The following EXOC4 variants were observed in gnomAD, a reference collection of about 807,000 sequenced individuals.
EXOC4 encodes the protein exocyst complex component 4.
A neutral mutation model predicts 107.2 loss-of-function variants in EXOC4; 71 were observed. The ratio of observed to expected loss-of-function variants is 0.66; its 90% CI spans 0.55 to 0.81. The LOEUF is 0.81. Ranked by LOEUF, EXOC4 falls within the 30% of genes least tolerant of loss-of-function variation. EXOC4 has a pLI of 0.00. For synonymous variants in EXOC4, 456 were observed against 441.2 expected (o/e 1.03, Z -0.42); for missense variants, 1,108 against 1,189.6 (o/e 0.93, Z 1.01).
At chr7:133,790,740 C>G (rs1390379010) in intron 10 of EXOC4, among the ~76,000 whole-genome samples, 1 of 152,260 alleles carries the variant, frequency 6.6e-6, no homozygotes, top group Non-Finnish European at 1.5e-5. Flanking sequence ...ACAAACCTTT[C>G]CAGATTGAGA....
At chr7:133,938,142 A>G (rs999993103) in intron 14 of EXOC4, 73 bp downstream of exon 14, 10 of 1,485,486 alleles carry the variant, frequency 6.7e-6, no homozygotes, top group Non-Finnish European at 9.3e-6. Flanking sequence ...GAAAGATGAG[A>G]GTGTACACTG....
intron 9 of EXOC4, among the ~76,000 whole-genome samples, chr7:133,516,433 T>C (rs1427832318): frequency 6.6e-6 from 1 of 152,166 alleles, no homozygotes; most frequent in African/African-American, 2.4e-5. Flanking sequence ...ACATTTCATG[T>C]AATGGAATCT....
chr7:133,316,460 G>T (rs950327051), intron 4 of EXOC4, among the ~76,000 whole-genome samples: 2 of 152,180 alleles, frequency 1.3e-5, no homozygotes, highest in Non-Finnish European at 2.9e-5. Flanking sequence ...TGTGCGAGAT[G>T]ATTCCATTTC....
At chr7:134,040,453 C>T (rs1018346234) in intron 17 of EXOC4, among the ~76,000 whole-genome samples, 1 of 152,208 alleles carries the variant, frequency 6.6e-6, no homozygotes, top group Non-Finnish European at 1.5e-5. Flanking sequence ...CTTCAAAACA[C>T]ATCGCACTCC....
At chr7:134,060,402 C>T (rs931691258) in intron 17 of EXOC4, among the ~76,000 whole-genome samples, 2 of 152,172 alleles carry the variant, frequency 1.3e-5, no homozygotes, top group African/African-American at 4.8e-5. Context: ...CTGTGAAGGG[C>T]TACAAACCAT....
chr7:133,905,179 T>C (rs1289238894), intron 12 of EXOC4, among the ~76,000 whole-genome samples: 1 of 152,170 alleles, frequency 6.6e-6, no homozygotes, highest in African/African-American at 2.4e-5. Flanking sequence ...TGCCCTCTGC[T>C]GAGGGTTGGC....
At chr7:133,878,946 A>G (rs1030218901) in intron 11 of EXOC4, among the ~76,000 whole-genome samples, 8 of 151,958 alleles carry the variant, frequency 5.3e-5, no homozygotes, top group Non-Finnish European at 1.0e-4. Flanking sequence ...GCTGGTCTCA[A>G]ACTCCTGACC....
intron 9 of EXOC4, chr7:133,481,224 G>A (rs1324830374): frequency 6.6e-6 from 1 of 151,712 alleles, no homozygotes; most frequent in East Asian, 1.9e-4. Context: ...TACACACACA[G>A]AGATACACAC....
chr7:133,406,518 T>TA (rs1457914351), intron 7 of EXOC4, among the ~76,000 whole-genome samples: 5 of 152,280 alleles, frequency 3.3e-5, no homozygotes, highest in Middle Eastern at 3.4e-3. Context: ...AAATTAGCAG[T>TA]AAAGGGAAGG....
intron 10 of EXOC4, among the ~76,000 whole-genome samples, chr7:133,676,639 C>G (rs1343222702): frequency 6.6e-6 from 1 of 151,974 alleles, no homozygotes; most frequent in Non-Finnish European, 1.5e-5. Flanking sequence ...ATTACTTTCC[C>G]AAAAGATGTT....
the EXOC4 span, among the ~76,000 whole-genome samples, chr7:134,091,889 C>T: frequency 6.6e-6 from 1 of 152,096 alleles, no homozygotes; most frequent in Non-Finnish European, 1.5e-5. Context: ...TAACTAAAAT[C>T]CCCAGTACTT....
chr7:133,619,401 A>G (rs10268084), intron 9 of EXOC4, among the ~76,000 whole-genome samples: 2 of 152,096 alleles, frequency 1.3e-5, no homozygotes, highest in Non-Finnish European at 2.9e-5. Flanking sequence ...TATTTCTTCT[A>G]TATGAACTAG....
intron 16 of EXOC4, among the ~76,000 whole-genome samples, chr7:134,006,946 T>C (rs1794655464): frequency 6.6e-6 from 1 of 152,130 alleles, no homozygotes. Context: ...TTGCAGACCA[T>C]AAGACAACCC....
At chr7:133,691,213 A>G (rs1052590043) in intron 10 of EXOC4, among the ~76,000 whole-genome samples, 1 of 152,202 alleles carries the variant, frequency 6.6e-6, no homozygotes, top group African/African-American at 2.4e-5. Flanking sequence ...TATGAAACTA[A>G]TGAAATGATG....
intron 10 of EXOC4, among the ~76,000 whole-genome samples, chr7:133,673,106 G>A (rs1012789692): frequency 1.3e-5 from 2 of 152,172 alleles, no homozygotes; most frequent in African/African-American, 4.8e-5. Flanking sequence ...TTTTAGAGGA[G>A]CTGGATTGGA....
chr7:133,876,252 G>T (rs1798847282), intron 11 of EXOC4, among the ~76,000 whole-genome samples: 1 of 151,330 alleles, frequency 6.6e-6, no homozygotes, highest in Non-Finnish European at 1.5e-5. Flanking sequence ...GTGTGTGTGT[G>T]TGTGTAGACT....
chr7:133,484,349 T>G (rs1305365997), intron 9 of EXOC4, among the ~76,000 whole-genome samples: 1 of 152,188 alleles, frequency 6.6e-6, no homozygotes, highest in Non-Finnish European at 1.5e-5. Flanking sequence ...ATCTAACTTG[T>G]GGGTGTGTCA....
rs373271781 is a variant in EXOC4 at position 133,405,788 on chromosome 7, T to C, written c.1182+30786T>C. 1.2e-4 allele frequency among the ~76,000 whole-genome samples: 18 copies of C among 152,312 alleles called. No individual in the cohort carries two copies. In the East Asian group the frequency reaches 3.1e-3, roughly 26 times the overall value. On this transcript the variant is annotated intron_variant, in intron 7 of 17. Transcript: ENST00000253861. ...TAATAAAAGTTATGTGAATATGCGC[T>C]TGGGAACTCTTTCATGCACACACTG...
intron 9 of EXOC4, among the ~76,000 whole-genome samples, chr7:133,516,586 G>C (rs1251536411): frequency 6.6e-6 from 1 of 151,894 alleles, no homozygotes; most frequent in African/African-American, 2.4e-5. Flanking sequence ...CTGTTGATGG[G>C]CATTTGTGTT....
Sources: gnomAD v4.1 joint callset for allele counts (sites outside exome capture counted in the v4.1 genomes callset) on GRCh38, gnomAD v4.1.1 for gene constraint, MANE v1.5 for transcripts, NCBI Gene and HGNC (gene_info 2026-07-23, HGNC 2026-07-21) for gene names.